PEBP4: variants seen among roughly 807,000 people sequenced by gnomAD.
PEBP4 encodes phosphatidylethanolamine-binding protein 4.
Under a neutral mutation model 23.9 loss-of-function variants are expected in PEBP4, and 22 were observed. The observed-to-expected ratio is 0.92, with a 90% CI of 0.66 to 1.31. The LOEUF is 1.31. Ranked by LOEUF, PEBP4 falls within the 40% of genes most tolerant of loss-of-function variation. The pLI is 0.00. For synonymous variants in PEBP4, 112 were observed against 99.3 expected (o/e 1.13, Z -0.76); for missense variants, 324 against 281.7 (o/e 1.15, Z -1.07).
intron 4 of PEBP4, among the ~76,000 whole-genome samples, chr8:22,806,022 G>A (rs970106036): frequency 6.6e-6 from 1 of 152,066 alleles, no homozygotes; most frequent in African/African-American, 2.4e-5. Flanking sequence ...CCACATTGTG[G>A]CTTGACATTC....
chr8:22,905,963 A>C (rs1808802883), intron 3 of PEBP4, among the ~76,000 whole-genome samples: 1 of 152,210 alleles, frequency 6.6e-6, no homozygotes, highest in African/African-American at 2.4e-5. Context: ...GTTAGAAATC[A>C]AGGAATCCAA....
chr8:22,896,164 G>A (rs1808585955), intron 3 of PEBP4: 1 of 152,274 alleles, frequency 6.6e-6, no homozygotes, highest in Non-Finnish European at 1.5e-5. Context: ...AGATGTCCTA[G>A]TCTGGGAGGA....
intron 3 of PEBP4, among the ~76,000 whole-genome samples, chr8:22,823,238 A>G (rs1585292636): frequency 6.6e-6 from 1 of 151,974 alleles, no homozygotes; most frequent in South Asian, 2.1e-4. Context: ...ATCAGTGGGG[A>G]AAAAATAGAT....
upstream of PEBP4, among the ~76,000 whole-genome samples, chr8:22,928,255 C>G (rs1533065): frequency 6.6e-6 from 1 of 152,056 alleles, no homozygotes; most frequent in Non-Finnish European, 1.5e-5. Flanking sequence ...AGCCTGTGAG[C>G]TTCCCCAAGG....
intron 3 of PEBP4, among the ~76,000 whole-genome samples, chr8:22,892,989 T>C (rs1298754869): frequency 6.6e-6 from 1 of 152,104 alleles, no homozygotes; most frequent in Admixed American, 6.6e-5. Flanking sequence ...GAGGCAGCTG[T>C]GCGGGGAGAG....
chr8:22,819,051 T>G lies in PEBP4; in HGVS notation c.259-1316A>C, dbSNP rs991713807. 2.8e-4 allele frequency among the ~76,000 whole-genome samples: 43 copies of G among 152,214 alleles called. 1 individual carries two copies. The highest frequency in any genetic ancestry group is 4.7e-4 in the Non-Finnish European group (32 of 68,038). ...GCCCCTCAGAATATAGGTATGCATG[T>G]CGGTCTGTAATTCAGAGGAGAGATC... is the stretch of plus-strand genomic sequence containing the variant. On this transcript the variant is annotated intron_variant, in intron 3 of 6. Transcript: ENST00000256404.
intron 4 of PEBP4, among the ~76,000 whole-genome samples, chr8:22,732,998 G>A (rs192639730): frequency 3.9e-5 from 6 of 152,260 alleles, no homozygotes; most frequent in African/African-American, 9.6e-5. Context: ...GACTTGTCCC[G>A]TCTGGGTCAG....
chr8:22,916,683 C>A (rs374230166), intron 3 of PEBP4, among the ~76,000 whole-genome samples: 59 of 152,362 alleles, frequency 3.9e-4, no homozygotes, highest in African/African-American at 1.3e-3. Flanking sequence ...TTCATGCATT[C>A]ATGCATTCAC....
chr8:22,895,677 G>A (rs890002913), intron 3 of PEBP4: 3 of 152,138 alleles, frequency 2.0e-5, no homozygotes, highest in African/African-American at 7.2e-5. Flanking sequence ...ACCATTTTAT[G>A]TTGTCTCACA....
intron 3 of PEBP4, among the ~76,000 whole-genome samples, chr8:22,846,365 T>C (rs916816868): frequency 6.6e-6 from 1 of 152,148 alleles, no homozygotes; most frequent in East Asian, 1.9e-4. Flanking sequence ...CTCTTAGAAG[T>C]AGGAGCTCCT....
rs141354273 is a variant in PEBP4 at position 22,760,940 on chromosome 8, G to A, written c.358-33720C>T. On this transcript the variant is annotated intron_variant, in intron 4 of 6. Transcript: ENST00000256404. ...GGTCTAGGGTGTTCAAGGAGGTTTC[G>A]CGCACACCAGTTGCCCTGTGCATTA... 1.4e-4 allele frequency among the ~76,000 whole-genome samples: 22 copies of A among 152,260 alleles called. No individual in the cohort carries two copies. In the East Asian group the frequency reaches 2.1e-3, roughly 15 times the overall value.
At chr8:22,741,008 A>G (rs2128750469) in intron 4 of PEBP4, among the ~76,000 whole-genome samples, 1 of 152,304 alleles carries the variant, frequency 6.6e-6, no homozygotes, top group South Asian at 2.1e-4. Flanking sequence ...TCCTCCAGGC[A>G]TGCAGGGACC....
upstream of PEBP4, among the ~76,000 whole-genome samples, chr8:22,931,566 T>C (rs1010692164): frequency 1.7e-5 from 2 of 120,262 alleles, no homozygotes; most frequent in Non-Finnish European, 3.3e-5. Flanking sequence ...AAATATTAAA[T>C]TCAAGCAGTT....
chr8:22,927,437 G>A (rs1206473228), intron 2 of PEBP4, 147 bp downstream of exon 2: 1 of 923,832 alleles, frequency 1.1e-6, no homozygotes, highest in African/African-American at 1.7e-5. Context: ...CCTCCATCAA[G>A]GTGGTCTCCA....
At chr8:22,753,694 G>A (rs1372631430) in intron 4 of PEBP4, among the ~76,000 whole-genome samples, 1 of 152,188 alleles carries the variant, frequency 6.6e-6, no homozygotes. Context: ...ACTCCTTGTG[G>A]AGGAGAGGGG....
rs1290416900 is a variant in PEBP4 at position 22,865,955 on chromosome 8, C to T, written c.259-48220G>A. ...TGTGGCCCGGCGCCGGGCGGTGCTG[C>T]CCGGAGAGCGCGCAGCCCCCAGCCG... is the stretch of plus-strand genomic sequence containing the variant. On this transcript the variant is annotated intron_variant, in intron 3 of 6. Coordinates refer to ENST00000256404, the MANE Select transcript of PEBP4 (RefSeq NM_144962.3). The surrounding 1 kb of genome is among the most constrained non-coding windows in gnomAD (Gnocchi z 6.9). Among the ~76,000 whole-genome samples, 1 of 151,926 alleles carries T rather than the reference C, an allele frequency of 6.6e-6. No homozygotes were observed. The highest frequency in any genetic ancestry group is 1.5e-5 in the Non-Finnish European group (1 of 67,924).
At chr8:22,780,695 C>T (rs929506180) in intron 4 of PEBP4, among the ~76,000 whole-genome samples, 5 of 152,096 alleles carry the variant, frequency 3.3e-5, no homozygotes, top group Non-Finnish European at 5.9e-5. Context: ...TCCGGATCAG[C>T]GGACCTTCAG....
chr8:22,773,591 A>G (rs1411413878), intron 4 of PEBP4, among the ~76,000 whole-genome samples: 1 of 152,066 alleles, frequency 6.6e-6, no homozygotes, highest in Admixed American at 6.5e-5. Context: ...CTGCCTGCTC[A>G]TACCCGAAGC....
intron 4 of PEBP4, among the ~76,000 whole-genome samples, chr8:22,788,658 G>A (rs1806076161): frequency 1.3e-5 from 2 of 152,122 alleles, no homozygotes; most frequent in South Asian, 4.1e-4. Flanking sequence ...CTGTCCTGAT[G>A]GTTATTCATA....
Sources: allele counts gnomAD v4.1 joint callset (sites outside exome capture counted in the v4.1 genomes callset), GRCh38; gene constraint gnomAD v4.1.1; non-coding constraint Gnocchi (gnomAD v3.1); transcripts MANE v1.5; gene names NCBI Gene and HGNC (gene_info 2026-07-23, HGNC 2026-07-21).